HNF1B: variants seen among roughly 807,000 people sequenced by gnomAD.
HNF1B encodes hepatocyte nuclear factor 1-beta.
Under a neutral mutation model 61.7 loss-of-function variants are expected in HNF1B, and 8 were observed. That is an observed-to-expected ratio of 0.13 (90% confidence interval 0.08 to 0.23). The LOEUF is 0.23. Ranked by LOEUF, HNF1B falls within the 10% of genes least tolerant of loss-of-function variation. The pLI is 1.00. For synonymous variants in HNF1B, 314 were observed against 287.7 expected, an observed-to-expected ratio of 1.09 and a Z score of -0.93; for missense variants, 562 against 714.5, an observed-to-expected ratio of 0.79 and a Z score of 2.43.
chr17:37,742,943 TCAC>T (rs1211304277), intron 1 of HNF1B, among the ~76,000 whole-genome samples: 1 of 151,554 alleles, frequency 6.6e-6, no homozygotes, highest in Non-Finnish European at 1.5e-5. Context: ...GTTTACAACT[TCAC>T]CAATGAATAA....
At chr17:37,731,384 C>A in intron 4 of HNF1B, 2 of 674,180 alleles carry the variant, frequency 3.0e-6, no homozygotes, top group South Asian at 3.1e-5. Flanking sequence ...GCCGAGTGAG[C>A]CCTCACAGGG....
chr17:37,700,282 G>A (rs2032522186), intron 7 of HNF1B, among the ~76,000 whole-genome samples: 1 of 152,248 alleles, frequency 6.6e-6, no homozygotes, highest in South Asian at 2.1e-4. Context: ...CTGGGACTCA[G>A]GATGAAAGGC....
intron 4 of HNF1B, among the ~76,000 whole-genome samples, chr17:37,716,168 C>T (rs563224807): frequency 1.1e-4 from 16 of 152,248 alleles, no homozygotes; most frequent in Middle Eastern, 3.4e-3. Context: ...CAAAATGTGT[C>T]GCTGAGGAAG....
chr17:37,739,128 T>C (rs2033916691), intron 2 of HNF1B, among the ~76,000 whole-genome samples: 1 of 152,108 alleles, frequency 6.6e-6, no homozygotes, highest in South Asian at 2.1e-4. Context: ...AGGGAAGACA[T>C]TTCACTCTGT....
intron 8 of HNF1B, among the ~76,000 whole-genome samples, chr17:37,695,278 G>A (rs560661401): frequency 1.3e-5 from 2 of 152,332 alleles, no homozygotes; most frequent in South Asian, 2.1e-4. Flanking sequence ...TGTAAGCTTT[G>A]GTGGGTTTCA....
intron 6 of HNF1B, among the ~76,000 whole-genome samples, chr17:37,703,392 G>A (rs1012767364): frequency 2.7e-5 from 4 of 147,032 alleles, no homozygotes; most frequent in Non-Finnish European, 4.4e-5. Flanking sequence ...ACTAGCCCCA[G>A]GGAAAATTTT....
At chr17:37,695,088 C>A (rs902232864) in intron 8 of HNF1B, among the ~76,000 whole-genome samples, 7 of 152,206 alleles carry the variant, frequency 4.6e-5, no homozygotes, top group Non-Finnish European at 8.8e-5. Flanking sequence ...TTCTAGGCAG[C>A]CCCTCCCACT....
At chr17:37,738,893 A>G (rs895242983) in intron 2 of HNF1B, among the ~76,000 whole-genome samples, 2 of 152,228 alleles carry the variant, frequency 1.3e-5, no homozygotes, top group Admixed American at 6.5e-5. Flanking sequence ...AAATGTGGGT[A>G]AACACCTTAA....
At chr17:37,736,553 C>G (rs2033839306) in intron 2 of HNF1B, among the ~76,000 whole-genome samples, 1 of 152,170 alleles carries the variant, frequency 6.6e-6, no homozygotes, top group Non-Finnish European at 1.5e-5. Flanking sequence ...TTGCAGGCTC[C>G]TAACTACCAG....
chr17:37,720,723 T>C (rs2033284753), intron 4 of HNF1B: 1 of 921,594 alleles, frequency 1.1e-6, no homozygotes, highest in Admixed American at 6.2e-5. Context: ...GACACAATGA[T>C]GAAGAAAGCT....
chr17:37,687,474 A>G, intron 8 of HNF1B, 82 bp from the exon 9 acceptor site: 1 of 1,041,308 alleles, frequency 9.6e-7, no homozygotes, highest in Non-Finnish European at 1.5e-6. Context: ...TCTAAGGGAG[A>G]TGATGCCCAA....
intron 8 of HNF1B, among the ~76,000 whole-genome samples, chr17:37,697,948 T>G (rs959621016): frequency 6.6e-6 from 1 of 152,030 alleles, no homozygotes; most frequent in Non-Finnish European, 1.5e-5. Context: ...GATGAAGAAA[T>G]GAAGGCTCAG....
At chr17:37,733,953 C>T in intron 2 of HNF1B, 132 bp from the exon 3 acceptor site, 1 of 1,084,396 alleles carries the variant, frequency 9.2e-7, no homozygotes, top group South Asian at 1.4e-5. Flanking sequence ...CCTTCTCTCA[C>T]TGCATGTGGA....
chr17:37,699,240 A>T (rs2269842), intron 7 of HNF1B, 46 bp from the exon 8 acceptor site: 1 of 1,433,906 alleles, frequency 7.0e-7, no homozygotes, highest in Non-Finnish European at 9.8e-7. Context: ...TACACAGGCA[A>T]AGACACAGGT....
intron 1 of HNF1B, among the ~76,000 whole-genome samples, chr17:37,742,946 C>G (rs1405609139): frequency 6.6e-6 from 1 of 151,300 alleles, no homozygotes; most frequent in Non-Finnish European, 1.5e-5. Flanking sequence ...TACAACTTCA[C>G]CAATGAATAA....
Position 37,736,630 on chromosome 17 carries a change from CT to C in HNF1B, c.544+2809del, listed in dbSNP as rs1442497456. Among the ~76,000 whole-genome samples, 6 of 152,328 alleles carry C rather than the reference CT, an allele frequency of 3.9e-5. No individual in the cohort carries two copies. In the East Asian group the frequency reaches 1.2e-3, roughly 29 times the overall value. ...TACCCCGCAAACGCTTCATATCTGA[CT>C]TGTGTGGAGGTGACAAAACCGATTC... On this transcript the variant is annotated intron_variant, in intron 2 of 8. Transcript: ENST00000617811.
At chr17:37,705,985 G>A (rs1480972493) in intron 5 of HNF1B, among the ~76,000 whole-genome samples, 3 of 152,040 alleles carry the variant, frequency 2.0e-5, no homozygotes, top group Admixed American at 6.6e-5. Context: ...TTGAGGTGGA[G>A]TCCAGCTCTG....
At chr17:37,696,473 G>A (rs2032388859) in intron 8 of HNF1B, among the ~76,000 whole-genome samples, 1 of 152,046 alleles carries the variant, frequency 6.6e-6, no homozygotes, top group Non-Finnish European at 1.5e-5. Context: ...TAAGAGCCCA[G>A]GGCAGGGCCT....
At chr17:37,690,384 T>C (rs2032157985) in intron 8 of HNF1B, among the ~76,000 whole-genome samples, 1 of 152,170 alleles carries the variant, frequency 6.6e-6, no homozygotes, top group South Asian at 2.1e-4. Flanking sequence ...TTGGTTGTGA[T>C]GGAAAGCTAT....
Sources: allele counts gnomAD v4.1 joint callset (sites outside exome capture counted in the v4.1 genomes callset), GRCh38; gene constraint gnomAD v4.1.1; transcripts MANE v1.5; gene names NCBI Gene and HGNC (gene_info 2026-07-23, HGNC 2026-07-21).